Variants in ASPHD2 observed in about 807,000 individuals in gnomAD.
The protein encoded by ASPHD2 is aspartate beta-hydroxylase domain-containing protein 2.
ASPHD2 carries 12 observed loss-of-function variants against 34.6 expected under a neutral mutation model. That is an observed-to-expected ratio of 0.35 (90% CI 0.22 to 0.56). The LOEUF is 0.56. Ranked by LOEUF, ASPHD2 falls within the 20% of genes least tolerant of loss-of-function variation. The probability of loss-of-function intolerance (pLI) is 0.87; values close to 1 mark genes in which losing one functional copy is unlikely to be tolerated. For missense variants in ASPHD2, 375 were observed against 505.0 expected (o/e 0.74, Z 2.47); for synonymous variants, 224 against 212.2 (o/e 1.06, Z -0.48).
intron 2 of ASPHD2, 48 bp from the exon 3 acceptor site, chr22:26,442,411 C>T (rs1438454238): frequency 1.4e-6 from 2 of 1,430,200 alleles, no homozygotes; most frequent in Non-Finnish European, 1.9e-6. Context: ...CCTGGCCTTC[C>T]CTGAATCTTG....
chr22:26,435,948 TCA>T (rs1568983085), intron 2 of ASPHD2, among the ~76,000 whole-genome samples: 1 of 152,122 alleles, frequency 6.6e-6, no homozygotes, highest in Non-Finnish European at 1.5e-5. Context: ...GGTACTTACT[TCA>T]CAGGATTGTT....
rs1352429996 is a variant in ASPHD2 at position 26,443,953 on chromosome 22, G to C, written c.*747G>C. The C allele has an allele frequency of 1.3e-5, 2 of 152,262 alleles. No individual in the cohort carries two copies. The highest frequency in any genetic ancestry group is 2.9e-5 in the Non-Finnish European group (2 of 68,064). The allele number at this position is 152,262 out of a possible 1,614,324, so 9.4% of individuals were successfully genotyped here. On this transcript the variant is annotated 3_prime_UTR_variant, in exon 4 of 4. Transcript: ENST00000215906. ...TGAAGCTGGTGTCCCCCAGCACCAA[G>C]CTGCGGCTCACACAGATCAGCCACG...
In ASPHD2 at chr22:26,443,842, TCTAAA is replaced by T. The variant is rs2084881117; in HGVS notation, c.*638_*642del. On this transcript the variant is annotated 3_prime_UTR_variant, in exon 4 of 4. Transcript: ENST00000215906. ...ATACTGTCACCATCGCTCACCTCATTCTAAACCTTGTCAGGTCCCTGATGGCAAAA... is the reference window on the plus strand; with the variant it reads ...ATACTGTCACCATCGCTCACCTCATTCCTTGTCAGGTCCCTGATGGCAAAA... 6.6e-6 allele frequency: 1 copy of T among 152,162 alleles called. No individual in the cohort carries two copies. The highest frequency in any genetic ancestry group is 1.5e-5 in the Non-Finnish European group (1 of 68,038). The allele number at this position is 152,162 out of a possible 1,614,324, so 9.4% of individuals were successfully genotyped here.
chr22:26,438,067 A>G (rs1055586996), intron 2 of ASPHD2, among the ~76,000 whole-genome samples: 3 of 152,086 alleles, frequency 2.0e-5, no homozygotes, highest in African/African-American at 7.2e-5. Context: ...AGGCCAGGCC[A>G]TTTTTCTATC....
rs1810295866 is a variant in ASPHD2, at chr22:26,440,290, G to A, written c.887-2169G>A. 2.6e-5 allele frequency among the ~76,000 whole-genome samples: 4 copies of A among 152,254 alleles called. No homozygotes were observed. In the East Asian group the frequency reaches 7.7e-4, roughly 29 times the overall value. The stretch of plus-strand genomic sequence containing the variant: ...ACCCCACTGGCCGGTTGAAGCATAC[G>A]GCTTATTTTTTATTTTTTATTTTTA... On this transcript the variant is annotated intron_variant, in intron 2 of 3. Coordinates refer to ENST00000215906, the MANE Select transcript of ASPHD2 (RefSeq NM_020437.5).
chr22:26,435,513 G>A (rs1469603740), intron 2 of ASPHD2, among the ~76,000 whole-genome samples: 1 of 152,140 alleles, frequency 6.6e-6, no homozygotes, highest in Non-Finnish European at 1.5e-5. Context: ...GGAAGGAAGA[G>A]CAGCAGGAGG....
Position 26,442,844 on chromosome 22 carries a change from A to G in ASPHD2, c.1001-253A>G, listed in dbSNP as rs144481096. ...ACCTACCATGACAGTATCATACAGA[A>G]TAGTTTCACTGCCGTAAAAATTCCC... is the stretch of plus-strand genomic sequence containing the variant. On this transcript the variant is annotated intron_variant, in intron 3 of 3. Coordinates refer to ENST00000215906, the MANE Select transcript of ASPHD2 (RefSeq NM_020437.5). Among the ~76,000 whole-genome samples the G allele has an allele frequency of 8.1e-3, 1,231 of 152,256 alleles. 14 individuals carry two copies. The highest frequency in any genetic ancestry group is 0.028 in the African/African-American group (1,173 of 41,538).
rs1392882112 is a variant in ASPHD2, at chr22:26,438,568, CAT to C, written c.887-3889_887-3888del. ...ACATATATACACATACATATATACA[CAT>C]ACATATATATACATACATATATATA... On this transcript the variant is annotated intron_variant, in intron 2 of 3. Transcript: ENST00000215906. Among the ~76,000 whole-genome samples, 10 of 128,856 alleles carry C rather than the reference CAT, an allele frequency of 7.8e-5. No individual in the cohort carries two copies. In the East Asian group the frequency reaches 1.6e-3, roughly 20 times the overall value. The allele number at this position is 128,856 out of a possible 152,430, so 84.5% of individuals were successfully genotyped here.
In ASPHD2 at chr22:26,442,949, TGA is replaced by T. The variant is rs1353630225; in HGVS notation, c.1001-142_1001-141del. ...CATGAAGCCAGGTTTATGCTCTCAG[TGA>T]GAGAGGAGGTGGTCCGATCCGAGCC... On this transcript the variant is annotated intron_variant, in intron 3 of 3. Transcript: ENST00000215906. The T allele has an allele frequency of 1.2e-5, 8 of 682,636 alleles. No individual in the cohort carries two copies. In the Admixed American group the frequency reaches 1.3e-4, roughly 11 times the overall value. The allele number at this position is 682,636 out of a possible 1,614,324, so 42.3% of individuals were successfully genotyped here. A position where few individuals can be genotyped will look rare whatever the true frequency, so the allele number is the denominator to read the frequency against.
intron 2 of ASPHD2, among the ~76,000 whole-genome samples, chr22:26,435,185 A>T (rs746206706): frequency 6.6e-6 from 1 of 152,194 alleles, no homozygotes; most frequent in Non-Finnish European, 1.5e-5. Flanking sequence ...CTGAGCCTCA[A>T]TTTCACTATT....
At chr22:26,442,956 G>A in intron 3 of ASPHD2, 141 bp from the exon 4 acceptor site, 1 of 692,458 alleles carries the variant, frequency 1.4e-6, no homozygotes, top group Non-Finnish European at 2.6e-6. Flanking sequence ...CAGTGAGAGA[G>A]GAGGTGGTCC....
At chr22:26,431,127 G>C (rs572499184) in intron 1 of ASPHD2, among the ~76,000 whole-genome samples, 1 of 152,290 alleles carries the variant, frequency 6.6e-6, no homozygotes, top group South Asian at 2.1e-4. Context: ...AGTTCCAGTA[G>C]GGGTTTAGCT....
chr22:26,444,002 C>T lies in ASPHD2; in HGVS notation c.*796C>T, dbSNP rs1043966389. Reference sequence around the variant, plus strand: ...CGGAACGTGTGATCCGCTTACCTCACTGCCTACAGAAGCCCTACTGCCAAA... The same window carrying T: ...CGGAACGTGTGATCCGCTTACCTCATTGCCTACAGAAGCCCTACTGCCAAA... On this transcript the variant is annotated 3_prime_UTR_variant, in exon 4 of 4. Transcript: ENST00000215906. 18 of 152,262 alleles carry T rather than the reference C, an allele frequency of 1.2e-4. No homozygotes were observed. The highest frequency in any genetic ancestry group is 2.6e-4 in the Admixed American group (4 of 15,286). The allele number at this position is 152,262 out of a possible 1,614,324, so 9.4% of individuals were successfully genotyped here. A position where few individuals can be genotyped will look rare whatever the true frequency, so the allele number is the denominator to read the frequency against.
rs567310241 is a variant in ASPHD2, at chr22:26,429,448, C to T, written c.-263C>T. On this transcript the variant is annotated 5_prime_UTR_variant, in exon 1 of 4. Transcript: ENST00000215906. The surrounding 1 kb of genome is among the most constrained non-coding windows in gnomAD (Gnocchi z 4.5). ...GGTCCGCGCCCTCGGGCGGCGGCGT[C>T]TCCTGGGTCCCGGCAGCCGTCCGCG... 16 of 148,762 alleles carry T rather than the reference C, an allele frequency of 1.1e-4. No homozygotes were observed. The highest frequency in any genetic ancestry group is 3.9e-4 in the African/African-American group (16 of 41,054). 9.2% of individuals were successfully genotyped at this position (148,762 alleles called of 1,614,324 possible). A position where few individuals can be genotyped will look rare whatever the true frequency, so the allele number is the denominator to read the frequency against.
rs916591839 is a variant in ASPHD2, at chr22:26,444,317, T to C, written c.*1111T>C. 1.3e-5 allele frequency: 2 copies of C among 152,144 alleles called. No individual in the cohort carries two copies. Among genetic ancestry groups the C allele is most frequent in the African/African-American group, 4.8e-5 (2 of 41,426 alleles). The allele number at this position is 152,144 out of a possible 1,614,324, so 9.4% of individuals were successfully genotyped here. A position where few individuals can be genotyped will look rare whatever the true frequency, so the allele number is the denominator to read the frequency against. ...AAGAGTTGGCCCTGTGTCTTTGTCA[T>C]GGCACAAAGGTGTGCACTGCGTGAC... On this transcript the variant is annotated 3_prime_UTR_variant, in exon 4 of 4. Transcript: ENST00000215906.
At chr22:26,436,686 T>C (rs2084794381) in intron 2 of ASPHD2, among the ~76,000 whole-genome samples, 1 of 152,152 alleles carries the variant, frequency 6.6e-6, no homozygotes. Context: ...TTATGTATTG[T>C]TTTAAAACTT....
At chr22:26,438,600 CAT>C (rs1296487876) in intron 2 of ASPHD2, among the ~76,000 whole-genome samples, 2 of 69,560 alleles carry the variant, frequency 2.9e-5, no homozygotes, top group South Asian at 6.6e-4. Flanking sequence ...TATATACACA[CAT>C]ATATACATAT....
At chr22:26,441,915 T>G (rs1205573338) in intron 2 of ASPHD2, among the ~76,000 whole-genome samples, 3 of 92,580 alleles carry the variant, frequency 3.2e-5, no homozygotes, top group African/African-American at 1.4e-4. Context: ...AGAGTGAGAC[T>G]CTGTCTCAAA....
intron 2 of ASPHD2, among the ~76,000 whole-genome samples, chr22:26,437,654 CTT>C (rs1012059806): frequency 2.0e-5 from 3 of 152,106 alleles, no homozygotes; most frequent in South Asian, 2.1e-4. Flanking sequence ...CAGTTAGACT[CTT>C]GTTTTTCTTT....
Sources: gnomAD v4.1 joint callset for allele counts (sites outside exome capture counted in the v4.1 genomes callset) on GRCh38, gnomAD v4.1.1 for gene constraint, Gnocchi (gnomAD v3.1) non-coding constraint, MANE v1.5 for transcripts, NCBI Gene and HGNC (gene_info 2026-07-23, HGNC 2026-07-21) for gene names.